The following ST3GAL3 variants were observed in gnomAD, a reference collection of about 807,000 sequenced individuals.
The protein encoded by ST3GAL3 is ST3 beta-galactoside alpha-2,3-sialyltransferase 3.
In ST3GAL3, 21 loss-of-function variants were observed where a neutral mutation model predicts 50.1. The observed-to-expected ratio is 0.42, with a 90% CI of 0.30 to 0.60. The LOEUF (loss-of-function observed/expected upper bound fraction) is 0.60. Ranked by LOEUF, ST3GAL3 falls within the 20% of genes least tolerant of loss-of-function variation. The pLI is 0.19. For synonymous variants in ST3GAL3, 183 were observed against 190.0 expected, an observed-to-expected ratio of 0.96 and a Z score of 0.30; for missense variants, 353 against 489.4, an observed-to-expected ratio of 0.72 and a Z score of 2.63.
intron 2 of ST3GAL3, among the ~76,000 whole-genome samples, chr1:43,759,100 C>A (rs1344346561): frequency 6.9e-6 from 1 of 144,302 alleles, no homozygotes; most frequent in African/African-American, 2.5e-5. Flanking sequence ...CACACACACA[C>A]ACACACAGAA....
At chr1:43,927,018 A>T (rs188667916) in intron 11 of ST3GAL3, among the ~76,000 whole-genome samples, 70 of 152,258 alleles carry the variant, frequency 4.6e-4, no homozygotes, top group African/African-American at 1.6e-3. Context: ...CAGATACCAT[A>T]TATCCCTCCA....
At chr1:43,759,542 G>A (rs1689512370) in intron 2 of ST3GAL3, among the ~76,000 whole-genome samples, 1 of 152,228 alleles carries the variant, frequency 6.6e-6, no homozygotes, top group Non-Finnish European at 1.5e-5. Context: ...AGCAAGAAGA[G>A]CTGTGCTTAT....
intron 11 of ST3GAL3, among the ~76,000 whole-genome samples, chr1:43,925,430 G>A (rs1346798484): frequency 6.6e-6 from 1 of 152,108 alleles, no homozygotes; most frequent in East Asian, 1.9e-4. Context: ...CCTAGGGTTT[G>A]GAAAGGACCG....
At chr1:43,756,202 G>A (rs578230994) in intron 2 of ST3GAL3, among the ~76,000 whole-genome samples, 4 of 151,040 alleles carry the variant, frequency 2.6e-5, no homozygotes, top group Non-Finnish European at 3.0e-5. Flanking sequence ...TCAAACTAAC[G>A]CTGAACAAAA....
intron 2 of ST3GAL3, among the ~76,000 whole-genome samples, chr1:43,754,625 G>A (rs1687377826): frequency 6.6e-6 from 1 of 152,122 alleles, no homozygotes; most frequent in Admixed American, 6.6e-5. Flanking sequence ...TAGAATTCAG[G>A]CAGACTAAAG....
At chr1:43,909,952 T>C (rs2080504391) in intron 9 of ST3GAL3, among the ~76,000 whole-genome samples, 1 of 152,196 alleles carries the variant, frequency 6.6e-6, no homozygotes, top group Admixed American at 6.5e-5. Context: ...TACCATGTTT[T>C]CAAATAATGT....
intron 1 of ST3GAL3, among the ~76,000 whole-genome samples, chr1:43,722,213 C>G (rs1043235230): frequency 3.3e-5 from 5 of 152,058 alleles, no homozygotes; most frequent in Non-Finnish European, 5.9e-5. Context: ...TAAGAGTTGG[C>G]TAGATGAAGT....
rs369464814 is a variant in ST3GAL3 at position 43,732,510 on chromosome 1, C to T, written c.-30-3723C>T. 7.2e-5 allele frequency among the ~76,000 whole-genome samples: 11 copies of T among 152,254 alleles called. 1 individual carries two copies. The highest frequency in any genetic ancestry group is 2.4e-4 in the African/African-American group (10 of 41,534). On this transcript the variant is annotated intron_variant, in intron 1 of 11. Transcript: ENST00000347631. ...TTGAAGGGTAGAAATAGCTTCCTGC[C>T]GTTTCTAGTCCCTGGCTGCTTCACC...
intron 11 of ST3GAL3, 73 bp from the exon 12 acceptor site, chr1:43,930,059 A>G (rs1188938434): frequency 7.8e-7 from 1 of 1,280,132 alleles, no homozygotes; most frequent in African/African-American, 1.5e-5. Flanking sequence ...GTGACGAAGA[A>G]GGCACCGAGC....
chr1:43,743,409 A>G (rs980657281), intron 2 of ST3GAL3: 5 of 285,270 alleles, frequency 1.8e-5, no homozygotes, highest in Admixed American at 8.8e-5. Flanking sequence ...TGAAGCAGCA[A>G]CTGATATCTC....
chr1:43,857,417 C>CA (rs1247745938), intron 5 of ST3GAL3, among the ~76,000 whole-genome samples: 2 of 151,992 alleles, frequency 1.3e-5, no homozygotes, highest in Admixed American at 6.6e-5. Flanking sequence ...AAAAAAAACC[C>CA]AAAAAAACCA....
chr1:43,786,617 C>T (rs753392677), intron 2 of ST3GAL3, among the ~76,000 whole-genome samples: 3 of 152,296 alleles, frequency 2.0e-5, no homozygotes, highest in Admixed American at 6.5e-5. Flanking sequence ...CTTCGTACTG[C>T]TTATCACTGT....
At chr1:43,854,748 A>G (rs1356570246) in intron 5 of ST3GAL3, among the ~76,000 whole-genome samples, 1 of 152,250 alleles carries the variant, frequency 6.6e-6, no homozygotes, top group Non-Finnish European at 1.5e-5. Context: ...AAATCTAATC[A>G]GCCTATGTTC....
intron 5 of ST3GAL3, among the ~76,000 whole-genome samples, chr1:43,869,985 A>C (rs2906459): frequency 0.86 from 130,192 of 152,152 alleles, 55,937 homozygotes; most frequent in East Asian, 0.91. Context: ...CTTCCCTAGA[A>C]CTTGTTATGG....
chr1:43,730,426 C>T (rs1675108058), intron 1 of ST3GAL3, among the ~76,000 whole-genome samples: 1 of 151,980 alleles, frequency 6.6e-6, no homozygotes, highest in Admixed American at 6.6e-5. Flanking sequence ...GAGCCACTTG[C>T]CTTTTGTGCG....
At chr1:43,759,224 T>A (rs1249422853) in intron 2 of ST3GAL3, among the ~76,000 whole-genome samples, 1 of 151,796 alleles carries the variant, frequency 6.6e-6, no homozygotes, top group African/African-American at 2.4e-5. Flanking sequence ...GGCAGGTGGA[T>A]CAGGAGGTCA....
At chr1:43,759,062 C>CGT (rs1689208309) in intron 2 of ST3GAL3, among the ~76,000 whole-genome samples, 2 of 91,616 alleles carry the variant, frequency 2.2e-5, no homozygotes, top group Admixed American at 1.0e-4. Flanking sequence ...AACAAAAGCG[C>CGT]GCGCACACAC....
chr1:43,755,786 A>G (rs1218850783), intron 2 of ST3GAL3, among the ~76,000 whole-genome samples: 1 of 152,218 alleles, frequency 6.6e-6, no homozygotes, highest in African/African-American at 2.4e-5. Context: ...AGCATGAACC[A>G]TAAAATTAAA....
intron 1 of ST3GAL3, among the ~76,000 whole-genome samples, chr1:43,727,800 G>C (rs145020493): frequency 0.013 from 2,016 of 151,644 alleles, 48 homozygotes; most frequent in African/African-American, 0.047. Context: ...TTTTTCTCCC[G>C]GAAGACCCAT....
Sources: allele counts gnomAD v4.1 joint callset (sites outside exome capture counted in the v4.1 genomes callset), GRCh38; gene constraint gnomAD v4.1.1; transcripts MANE v1.5; gene names NCBI Gene and HGNC (gene_info 2026-07-23, HGNC 2026-07-21).